Variants in MRPS31 observed in about 807,000 individuals in gnomAD.
MRPS31 encodes small ribosomal subunit protein mS31.
A neutral mutation model predicts 43.1 loss-of-function variants in MRPS31; 32 were observed. The ratio of observed to expected loss-of-function variants is 0.74; its 90% CI spans 0.56 to 1.00. The LOEUF (loss-of-function observed/expected upper bound fraction) is 1.00. Ranked by LOEUF, MRPS31 falls within the 50% of genes least tolerant of loss-of-function variation. The pLI is 0.00. For synonymous variants in MRPS31, 165 were observed against 161.6 expected, an observed-to-expected ratio of 1.02 and a Z score of -0.16; for missense variants, 437 against 466.7, an observed-to-expected ratio of 0.94 and a Z score of 0.59.
At chr13:40,770,914 C>G in intron 1 of MRPS31, 71 bp downstream of exon 1, 1 of 1,575,952 alleles carries the variant, frequency 6.3e-7, no homozygotes, top group South Asian at 1.1e-5. Flanking sequence ...TAAGACCCAG[C>G]AGGTGGTAAC....
intron 6 of MRPS31, among the ~76,000 whole-genome samples, chr13:40,739,939 G>A (rs12385879): frequency 0.38 from 57,198 of 149,572 alleles, 12,073 homozygotes; most frequent in East Asian, 0.59. Flanking sequence ...ATTGACAAAT[G>A]GGATCTAATT....
At chr13:40,766,695 C>T (rs1880857016) in intron 2 of MRPS31, 51 bp downstream of exon 2, 1 of 1,509,514 alleles carries the variant, frequency 6.6e-7, no homozygotes, top group Non-Finnish European at 8.9e-7. Flanking sequence ...TTTACCAAAA[C>T]AAAAAGCTTA....
At chr13:40,743,921 T>C (rs1039736900) in intron 6 of MRPS31, among the ~76,000 whole-genome samples, 5 of 152,186 alleles carry the variant, frequency 3.3e-5, no homozygotes, top group African/African-American at 1.2e-4. Context: ...TGCAGCACTA[T>C]TCACAATAGC....
intron 6 of MRPS31, among the ~76,000 whole-genome samples, chr13:40,746,026 A>G (rs1253517317): frequency 1.3e-5 from 2 of 152,230 alleles, no homozygotes; most frequent in Admixed American, 1.3e-4. Context: ...AATTGGAAAA[A>G]TAATTTATAT....
chr13:40,760,540 A>G (rs938140993), intron 2 of MRPS31, among the ~76,000 whole-genome samples: 1 of 152,204 alleles, frequency 6.6e-6, no homozygotes. Flanking sequence ...TTTTCATAAG[A>G]AAAAGCTTTT....
chr13:40,741,540 A>G (rs561643556), intron 6 of MRPS31, among the ~76,000 whole-genome samples: 1 of 152,202 alleles, frequency 6.6e-6, no homozygotes, highest in East Asian at 1.9e-4. Flanking sequence ...AACACCACTG[A>G]TATCATTTTT....
chr13:40,745,521 G>T (rs1880218177), intron 6 of MRPS31, among the ~76,000 whole-genome samples: 1 of 152,110 alleles, frequency 6.6e-6, no homozygotes, highest in Non-Finnish European at 1.5e-5. Context: ...CAAAGTTCTG[G>T]GATTACAGGT....
intron 4 of MRPS31, among the ~76,000 whole-genome samples, chr13:40,755,567 A>C (rs991573795): frequency 6.6e-6 from 1 of 152,184 alleles, no homozygotes; most frequent in African/African-American, 2.4e-5. Flanking sequence ...GGCAGTGCCA[A>C]CATTCTGAGG....
chr13:40,749,238 TAACTGCTTAGCAA>T lies in MRPS31; in HGVS notation c.845_857del (p.Phe282Ter). 1 of 1,598,112 alleles carries T rather than the reference TAACTGCTTAGCAA, an allele frequency of 6.3e-7. No homozygotes were observed. Among genetic ancestry groups the T allele is most frequent in the South Asian group, 1.1e-5 (1 of 87,520 alleles). ...GAAGGGGTTGTTCATTTACTGTGGC[TAACTGCTTAGCAA>T]ATTCCACATCCCAAAGTGAAGGTGA... On this transcript the variant is annotated frameshift_variant, in exon 6 of 7. Transcript: ENST00000323563. LOFTEE classifies it high-confidence loss of function.
chr13:40,754,054 TC>T lies in MRPS31; in HGVS notation c.778del (p.Asp260ThrfsTer2). 1 of 1,600,700 alleles carries T rather than the reference TC, an allele frequency of 6.2e-7. No individual in the cohort carries two copies. The highest frequency in any genetic ancestry group is 8.5e-7 in the Non-Finnish European group (1 of 1,172,068). On this transcript the variant is annotated frameshift_variant, in exon 5 of 7. Coordinates refer to ENST00000323563, the MANE Select transcript of MRPS31 (RefSeq NM_005830.4). LOFTEE classifies it high-confidence loss of function. ...TGCTTCTTTAGTAACTGCCATCATG[TC>T]AAAAATATTAAGTCTTTTCCCTGTG... ...IFTGKRLNIFDMMAVTKEAPE... is the reference protein window; with the variant it reads ...IFTGKRLNIFXMMAVTKEAPE...
chr13:40,733,061 T>C (rs1274109451), intron 6 of MRPS31, among the ~76,000 whole-genome samples: 3 of 133,606 alleles, frequency 2.2e-5, no homozygotes, highest in Non-Finnish European at 4.6e-5. Context: ...TGGAGTGCAA[T>C]GGTGCAATCT....
intron 2 of MRPS31, among the ~76,000 whole-genome samples, chr13:40,760,631 CTT>C (rs551721594): frequency 5.3e-4 from 71 of 133,638 alleles, no homozygotes; most frequent in Non-Finnish European, 6.0e-4. Context: ...ACATTTTTTC[CTT>C]TTTTTTTTTT....
At chr13:40,759,991 C>T (rs1363415551) in intron 2 of MRPS31, among the ~76,000 whole-genome samples, 1 of 151,852 alleles carries the variant, frequency 6.6e-6, no homozygotes, top group Non-Finnish European at 1.5e-5. Context: ...AAAAATTAGC[C>T]AGGCATGGCA....
chr13:40,751,597 A>C (rs1427462833), intron 5 of MRPS31, among the ~76,000 whole-genome samples: 1 of 152,244 alleles, frequency 6.6e-6, no homozygotes, highest in Non-Finnish European at 1.5e-5. Flanking sequence ...AGACATGGGA[A>C]TCATGGAACA....
intron 6 of MRPS31, among the ~76,000 whole-genome samples, chr13:40,743,138 C>A (rs1880148926): frequency 1.3e-5 from 2 of 152,026 alleles, no homozygotes; most frequent in South Asian, 4.2e-4. Context: ...ATGGTAAAAC[C>A]CTGCCTCTTC....
chr13:40,759,496 T>C (rs532384554), intron 2 of MRPS31, among the ~76,000 whole-genome samples: 2 of 152,240 alleles, frequency 1.3e-5, no homozygotes, highest in Admixed American at 6.5e-5. Context: ...AGATTGCTTA[T>C]TACACCATTA....
At position 40,771,026 on chromosome 13, in the gene MRPS31, C is replaced by G. The variant is rs769567703; in HGVS notation, c.111G>C (p.Arg37=). 6 of 1,614,142 alleles carry G rather than the reference C, an allele frequency of 3.7e-6. No individual in the cohort carries two copies. In the South Asian group the frequency reaches 6.6e-5, roughly 18 times the overall value. ...SAAAIMLLTV[R]HGTVRYRSSA... ...AACTGCGGTACCTGACTGTTCCGTG[C>G]CGAACAGTGAGTAGCATAATCGCAG... Residue 37 remains arginine (R), a synonymous_variant, in exon 1 of 7, where the codon CGG becomes CGC. Coordinates refer to ENST00000323563, the MANE Select transcript of MRPS31 (RefSeq NM_005830.4).
intron 2 of MRPS31, among the ~76,000 whole-genome samples, chr13:40,765,797 TA>T: frequency 6.6e-6 from 1 of 152,344 alleles, no homozygotes; most frequent in East Asian, 1.9e-4. Context: ...CTACTTGAAT[TA>T]ATGACATCAT....
chr13:40,753,689 A>G (rs1174749485), intron 5 of MRPS31, among the ~76,000 whole-genome samples: 2 of 151,252 alleles, frequency 1.3e-5, no homozygotes, highest in African/African-American at 2.5e-5. Context: ...GTAGGCAAAC[A>G]AAACATTAGC....
Sources: allele counts gnomAD v4.1 joint callset (sites outside exome capture counted in the v4.1 genomes callset), GRCh38; gene constraint gnomAD v4.1.1; transcripts MANE v1.5; gene names NCBI Gene and HGNC (gene_info 2026-07-23, HGNC 2026-07-21).